ATAD5: variants seen among roughly 807,000 people sequenced by gnomAD.
ATAD5 encodes ATPase family AAA domain-containing protein 5.
In ATAD5, 58 loss-of-function variants were observed where a neutral mutation model predicts 176.9. The ratio of observed to expected loss-of-function variants is 0.33; its 90% CI spans 0.27 to 0.41. The LOEUF (loss-of-function observed/expected upper bound fraction) is 0.41. ATAD5 is among the 10% of genes least tolerant of loss of function. The probability of loss-of-function intolerance (pLI) is 1.00; values close to 1 mark genes in which losing one functional copy is unlikely to be tolerated. For synonymous variants in ATAD5, 640 were observed against 712.6 expected (o/e 0.90, Z 1.62); for missense variants, 1,789 against 2,094.1 (o/e 0.85, Z 2.84).
At position 30,878,005 on chromosome 17, in the gene ATAD5, T is replaced by G. The variant is rs1042789890; in HGVS notation, c.3921T>G (p.Val1307=). Residue 1307 remains valine, a splice_region_variant and synonymous_variant, in exon 17 of 23, where the codon GTT becomes GTG. Transcript: ENST00000321990. ...ATTAATATTCTAATAAACTGTAGGT[T>G]GATGTAATTTTTGATGAAGATGCTG... is the stretch of plus-strand genomic sequence containing the variant. ...NATSLILFEE[V]DVIFDEDAGF... is the part of the protein sequence containing the mutation. 1 of 1,600,820 alleles carries G rather than the reference T, an allele frequency of 6.2e-7. No individual in the cohort carries two copies. Among genetic ancestry groups the G allele is most frequent in the Non-Finnish European group, 8.6e-7 (1 of 1,169,492 alleles).
In ATAD5 at chr17:30,879,264, G is replaced by A. The variant is rs548152325; in HGVS notation, c.4013-159G>A. Among the ~76,000 whole-genome samples the A allele has an allele frequency of 5.9e-5, 9 of 152,288 alleles. No homozygotes were observed. The East Asian group carries it at 1.5e-3, about 26-fold the overall frequency. ...GAGGCAGAGGATCACTTGAGCCCAG[G>A]AGTTTGAGGCTGCAGTGAGCTATGA... is the stretch of plus-strand genomic sequence containing the variant. On this transcript the variant is annotated intron_variant, in intron 17 of 22. Transcript: ENST00000321990.
Position 30,835,888 on chromosome 17 carries a change from A to G in ATAD5, c.1807A>G (p.Thr603Ala), listed in dbSNP as rs912092716. Residue 603 changes from threonine to alanine, a missense_variant, in exon 2 of 23, where the codon ACA (threonine) becomes GCA (alanine). Transcript: ENST00000321990. ...STRRSGRISS[T>A]PTTETIRGID... is the part of the protein sequence containing the mutation. Reference sequence around the variant, plus strand: ...TAGAAGATCTGGAAGAATTAGCAGCACACCTACTACAGAAACCATTAGAGG... The same window carrying G: ...TAGAAGATCTGGAAGAATTAGCAGCGCACCTACTACAGAAACCATTAGAGG... 1 of 1,614,002 alleles carries G rather than the reference A, an allele frequency of 6.2e-7. No homozygotes were observed. The highest frequency in any genetic ancestry group is 8.5e-7 in the Non-Finnish European group (1 of 1,180,016).
At position 30,876,477 on chromosome 17, in the gene ATAD5, G is replaced by T; in HGVS notation, c.3711G>T (p.Leu1237Phe). 1 of 1,604,758 alleles carries T rather than the reference G, an allele frequency of 6.2e-7. No individual in the cohort carries two copies. Among genetic ancestry groups the T allele is most frequent in the South Asian group, 1.1e-5 (1 of 90,058 alleles). Residue 1237 changes from leucine to phenylalanine, a missense_variant, in exon 15 of 23, where the codon TTG becomes TTT. Around this residue, in one of 6 missense-constraint regions of ATAD5, gnomAD observed 194 missense variants for 270.1 expected, o/e 0.72. Coordinates refer to ENST00000321990, the MANE Select transcript of ATAD5 (RefSeq NM_024857.5). ...AGCGAGCACTTCCTCCCAAAACCTT[G>T]GCAAATTATTTTAAAGTATCTCCCA... ...GPKRALPPKT[L>F]ANYFKVSPKP...
chr17:30,837,832 A>G (rs1905849123), intron 3 of ATAD5, among the ~76,000 whole-genome samples: 1 of 152,188 alleles, frequency 6.6e-6, no homozygotes, highest in African/African-American at 2.4e-5. Context: ...ATACCATTAC[A>G]TAGTGGGTTA....
chr17:30,859,299 T>C (rs1245744416), intron 9 of ATAD5, among the ~76,000 whole-genome samples: 1 of 152,236 alleles, frequency 6.6e-6, no homozygotes. Flanking sequence ...ACAGTCTAAG[T>C]ATTAAAATCT....
intron 14 of ATAD5, among the ~76,000 whole-genome samples, chr17:30,874,607 CTATTTATTTATTTATTTATT>C (rs200064158): frequency 7.5e-6 from 1 of 133,220 alleles, no homozygotes; most frequent in Non-Finnish European, 1.6e-5. Flanking sequence ...ATCTGTTCAA[CTATTTATTTATTTATTTATT>C]TATTTATTTA....
At chr17:30,877,684 CAAATT>C (rs1908750441) in intron 16 of ATAD5, 135 bp downstream of exon 16, 1 of 900,580 alleles carries the variant, frequency 1.1e-6, no homozygotes, top group Admixed American at 3.0e-5. Flanking sequence ...GAAATTAAAG[CAAATT>C]AAACTGTCCA....
chr17:30,873,775 T>G (rs1908484791), intron 14 of ATAD5, among the ~76,000 whole-genome samples: 1 of 148,766 alleles, frequency 6.7e-6, no homozygotes, highest in Non-Finnish European at 1.5e-5. Context: ...CATTGCAAAC[T>G]TGAACTCCTG....
chr17:30,894,608 G>A lies in ATAD5; in HGVS notation c.5342G>A (p.Ser1781Asn), dbSNP rs755552430. 1 of 1,612,890 alleles carries A rather than the reference G, an allele frequency of 6.2e-7. No homozygotes were observed. Among genetic ancestry groups the A allele is most frequent in the Non-Finnish European group, 8.5e-7 (1 of 1,179,580 alleles). ...TCAGTCATTAAAAGTGTATTTTCGA[G>A]TCGATCTCTTCTCTATGTGGGTAAT... ...RISVIKSVFS[S>N]RSLLYVGNRQ... The change falls in exon 22 of 23, where the codon AGT (serine) becomes AAT (asparagine). Residue 1781 changes from serine to asparagine, a missense_variant. Around this residue, in one of 6 missense-constraint regions of ATAD5, gnomAD observed 403 missense variants for 495.1 expected, o/e 0.81. Transcript: ENST00000321990.
intron 3 of ATAD5, among the ~76,000 whole-genome samples, chr17:30,840,195 T>TAA (rs55696194): frequency 8.9e-4 from 94 of 105,964 alleles, no homozygotes; most frequent in African/African-American, 2.3e-3. Context: ...TAGACTCTGT[T>TAA]AAAAAAAAAA....
chr17:30,844,559 T>A (rs1906354212), intron 5 of ATAD5, among the ~76,000 whole-genome samples: 1 of 150,512 alleles, frequency 6.6e-6, no homozygotes, highest in Non-Finnish European at 1.5e-5. Context: ...TTCTTTTTTT[T>A]TTTTTGTGAC....
At chr17:30,840,248 T>C (rs1446631936) in intron 3 of ATAD5, among the ~76,000 whole-genome samples, 1 of 147,822 alleles carries the variant, frequency 6.8e-6, no homozygotes, top group Non-Finnish European at 1.5e-5. Context: ...CCATGTATTA[T>C]AATACTGTTT....
intron 11 of ATAD5, among the ~76,000 whole-genome samples, chr17:30,866,704 A>G (rs919538324): frequency 6.6e-6 from 1 of 151,954 alleles, no homozygotes; most frequent in Non-Finnish European, 1.5e-5. Context: ...AATCCTGGCT[A>G]CTGGAGAGGC....
intron 15 of ATAD5, 152 bp downstream of exon 15, chr17:30,876,702 CTTTTTTTTTTT>C (rs202065630): frequency 1.0e-4 from 13 of 127,792 alleles, no homozygotes; most frequent in East Asian, 1.5e-4. Flanking sequence ...ATTTTGTTTC[CTTTTTTTTTTT>C]TTTTTTTTTT....
intron 22 of ATAD5, 41 bp from the exon 23 acceptor site, chr17:30,894,794 A>G (rs367925194): frequency 3.8e-6 from 6 of 1,558,736 alleles, no homozygotes; most frequent in Admixed American, 4.1e-5. Context: ...TAAGATGAAA[A>G]TGTTAATATT....
intron 10 of ATAD5, chr17:30,862,725 G>A (rs986872462): frequency 3.9e-4 from 59 of 152,326 alleles, no homozygotes; most frequent in Admixed American, 1.5e-3. Flanking sequence ...ACAGGCATGA[G>A]CCACCGTGCC....
intron 18 of ATAD5, among the ~76,000 whole-genome samples, chr17:30,881,728 TGTG>T (rs1439099987): frequency 2.0e-5 from 3 of 150,882 alleles, no homozygotes; most frequent in African/African-American, 7.3e-5. Context: ...GCCTGGGAAA[TGTG>T]GTGAAACCCT....
chr17:30,876,663 C>T, intron 15 of ATAD5, 113 bp downstream of exon 15: 1 of 439,144 alleles, frequency 2.3e-6, no homozygotes. Flanking sequence ...CTCAGCTACA[C>T]TGAAGGTTCT....
chr17:30,861,657 G>A (rs909593265), intron 10 of ATAD5, among the ~76,000 whole-genome samples: 6 of 151,870 alleles, frequency 4.0e-5, no homozygotes, highest in South Asian at 2.1e-4. Context: ...GACTACAGGC[G>A]CACGCCACCA....
Sources: gnomAD v4.1 joint callset for allele counts (sites outside exome capture counted in the v4.1 genomes callset) on GRCh38, gnomAD v4.1.1 for gene constraint, gnomAD v4.1.1 regional missense constraint, MANE v1.5 for transcripts, NCBI Gene and HGNC (gene_info 2026-07-23, HGNC 2026-07-21) for gene names.